ALG12: variants seen among roughly 807,000 people sequenced by gnomAD.
ALG12 encodes ALG12 alpha-1,6-mannosyltransferase.
In ALG12, 36 loss-of-function variants were observed where a neutral mutation model predicts 46.0. That is an observed-to-expected ratio of 0.78 (90% CI 0.60 to 1.03). The LOEUF (loss-of-function observed/expected upper bound fraction) is 1.03, where lower values mean the gene tolerates loss of function less well. Ranked by LOEUF, ALG12 falls within the 50% of genes least tolerant of loss-of-function variation. The pLI is 0.00. For synonymous variants in ALG12, 326 were observed against 291.6 expected (o/e 1.12, Z -1.20); for missense variants, 599 against 633.5 (o/e 0.95, Z 0.58).
At chr22:49,885,855 G>C in the ALG12 span, 5 of 1,443,064 alleles carry the variant, frequency 3.5e-6, no homozygotes, top group Non-Finnish European at 4.9e-6. Flanking sequence ...TCCACTTCAC[G>C]TCTGGAATAT....
chr22:49,902,222 GTA>G lies in ALG12; in HGVS notation c.*1614_*1615del, dbSNP rs949193382. 7.0e-5 allele frequency: 10 copies of G among 143,288 alleles called. No individual in the cohort carries two copies. The highest frequency in any genetic ancestry group is 1.5e-4 in the Non-Finnish European group (10 of 66,960). The allele number at this position is 143,288 out of a possible 1,614,324, so 8.9% of individuals were successfully genotyped here. A position where few individuals can be genotyped will look rare whatever the true frequency, so the allele number is the denominator to read the frequency against. On this transcript the variant is annotated 3_prime_UTR_variant, in exon 10 of 10. Transcript: ENST00000330817. The stretch of plus-strand genomic sequence containing the variant: ...TGTGCACATGTGCACTGTGTGGTGT[GTA>G]TGCATGGTGTGTGCACGTGTGCACT...
the ALG12 span, chr22:49,885,697 G>A: frequency 2.4e-5 from 39 of 1,610,196 alleles, no homozygotes; most frequent in Non-Finnish European, 3.1e-5. Context: ...TGTAGACAAC[G>A]TTGGCTTTAA....
the ALG12 span, among the ~76,000 whole-genome samples, chr22:49,868,957 CAAA>C: frequency 1.1e-4 from 15 of 131,678 alleles, no homozygotes; most frequent in East Asian, 2.2e-4. Flanking sequence ...ACTAAAAATA[CAAA>C]AAAAAAAAAA....
intron 1 of ALG12, among the ~76,000 whole-genome samples, chr22:49,917,396 C>T (rs1337292814): frequency 6.6e-6 from 1 of 152,206 alleles, no homozygotes; most frequent in African/African-American, 2.4e-5. Flanking sequence ...TCAGGCTAAG[C>T]ATGGTGGCTC....
intron 5 of ALG12, among the ~76,000 whole-genome samples, chr22:49,909,584 G>A (rs1213556827): frequency 6.6e-6 from 1 of 152,078 alleles, no homozygotes; most frequent in African/African-American, 2.4e-5. Flanking sequence ...AAAGAAAAAA[G>A]ACACCAACTG....
At chr22:49,880,918 T>C in the ALG12 span, among the ~76,000 whole-genome samples, 2 of 152,226 alleles carry the variant, frequency 1.3e-5, no homozygotes, top group African/African-American at 2.4e-5. Context: ...TTTTGCAGCT[T>C]TCAGTATACA....
chr22:49,909,758 T>C lies in ALG12; in HGVS notation c.664+136A>G, dbSNP rs2060564732. On this transcript the variant is annotated intron_variant, in intron 5 of 9. Coordinates refer to ENST00000330817, the MANE Select transcript of ALG12 (RefSeq NM_024105.4). ...AGATCCCCGGGCAGGGGGCTTAGGA[T>C]TGAAATGTTTTCAACACTGCTAAAT... is the stretch of plus-strand genomic sequence containing the variant. 4.0e-6 allele frequency: 5 copies of C among 1,263,406 alleles called. No homozygotes were observed. The South Asian group carries it at 5.3e-5, about 13-fold the overall frequency. The allele number at this position is 1,263,406 out of a possible 1,614,324, so 78.3% of individuals were successfully genotyped here.
At position 49,910,588 on chromosome 22, in the gene ALG12, G is replaced by T; in HGVS notation, c.315C>A (p.Leu105=). The T allele has an allele frequency of 6.2e-7, 1 of 1,614,108 alleles. No homozygotes were observed. Residue 105 remains leucine, a synonymous_variant, in exon 4 of 10, where the codon CTC becomes CTA. Coordinates refer to ENST00000330817, the MANE Select transcript of ALG12 (RefSeq NM_024105.4). ...SQLIVRGVLG[L]GVIFGLWTLQ... is the part of the protein sequence containing the mutation. ...ACGTCCAGAGTCCAAAAATCACGCC[G>T]AGTCCAAGCACTCCTCTAACTAAAC...
rs1400445262 is a variant in ALG12, at chr22:49,910,084, C to G, written c.474G>C (p.Leu158=). 1 of 1,606,300 alleles carries G rather than the reference C, an allele frequency of 6.2e-7. No individual in the cohort carries two copies. Among genetic ancestry groups the G allele is most frequent in the East Asian group, 2.2e-5 (1 of 44,532 alleles). The change falls in exon 5 of 10, where the codon CTG becomes CTC. Residue 158 remains leucine (L), a synonymous_variant. Transcript: ENST00000330817. ...GCCGCAGCCAGGCCGCGAGGGCCAG[C>G]AGGACTGCAAGACAGTGCGGGAGGG... ...LPNVLALPVV[L]LALAAWLRHE...
the ALG12 span, among the ~76,000 whole-genome samples, chr22:49,870,706 G>A: frequency 6.6e-6 from 1 of 151,852 alleles, no homozygotes; most frequent in African/African-American, 2.4e-5. Flanking sequence ...ATAGATTCTG[G>A]ATTTCAGACC....
downstream of ALG12, among the ~76,000 whole-genome samples, chr22:49,896,997 A>G (rs1257264217): frequency 6.6e-6 from 1 of 151,810 alleles, no homozygotes; most frequent in African/African-American, 2.4e-5. Context: ...CAATTCCTCA[A>G]TGCTCCACCT....
chr22:49,910,455 T>C lies in ALG12; in HGVS notation c.448A>G (p.Asn150Asp). 6.2e-7 allele frequency: 1 copy of C among 1,613,598 alleles called. No homozygotes were observed. Among genetic ancestry groups the C allele is most frequent in the Non-Finnish European group, 8.5e-7 (1 of 1,179,988 alleles). Residue 150 changes from asparagine (N) to aspartate (D), a missense_variant, in exon 4 of 10, where the codon AAT becomes GAT. By Grantham distance (23) the Asn-to-Asp change is conservative. Coordinates refer to ENST00000330817, the MANE Select transcript of ALG12 (RefSeq NM_024105.4). Reference sequence around the variant, plus strand: ...GTACCTACAGGCAGGGCCAGCACATTGGGCAGTGTCCGCGTGCAGTAGAAC... The same window carrying C: ...GTACCTACAGGCAGGGCCAGCACATCGGGCAGTGTCCGCGTGCAGTAGAAC... ...LMFYCTRTLP[N>D]VLALPVVLLA...
Position 49,907,617 on chromosome 22 carries a change from C to G in ALG12, c.992+104G>C, listed in dbSNP as rs982221959. 7 of 1,303,460 alleles carry G rather than the reference C, an allele frequency of 5.4e-6. No homozygotes were observed. In the Admixed American group the frequency reaches 5.9e-5, roughly 11 times the overall value. The allele number at this position is 1,303,460 out of a possible 1,614,324, so 80.7% of individuals were successfully genotyped here. A position where few individuals can be genotyped will look rare whatever the true frequency, so the allele number is the denominator to read the frequency against. ...CTCCAGCTGGGCGACAGAGCAAGACCCTGTTTCAAAAATTAAACACACACA... is the reference window on the plus strand; with the variant it reads ...CTCCAGCTGGGCGACAGAGCAAGACGCTGTTTCAAAAATTAAACACACACA... On this transcript the variant is annotated intron_variant, in intron 7 of 9. Transcript: ENST00000330817.
In ALG12 at chr22:49,907,850, G is replaced by A. The variant is rs748227291; in HGVS notation, c.863C>T (p.Thr288Met). The change falls in exon 7 of 10, where the codon ACG (threonine) becomes ATG (methionine). Residue 288 changes from threonine to methionine, a missense_variant. By Grantham distance (81) the Thr-to-Met change is moderately conservative. Transcript: ENST00000330817. ...FIPLGLVDRR[T>M]HAPTVLALGF... ...CAGTGCCAGCACCGTCGGCGCGTGCGTCCTTCTGTCTACCAAGCCCAGGGG... is the reference window on the plus strand; with the variant it reads ...CAGTGCCAGCACCGTCGGCGCGTGCATCCTTCTGTCTACCAAGCCCAGGGG... The A allele has an allele frequency of 1.4e-5, 23 of 1,613,868 alleles. No individual in the cohort carries two copies. The highest frequency in any genetic ancestry group is 1.1e-4 in the East Asian group (5 of 44,884).
rs754376576 is a variant in ALG12, at chr22:49,904,180, T to A, written c.1237A>T (p.Arg413Trp). 6.2e-7 allele frequency: 1 copy of A among 1,614,134 alleles called. No individual in the cohort carries two copies. Among genetic ancestry groups the A allele is most frequent in the Non-Finnish European group, 8.5e-7 (1 of 1,180,018 alleles). The change falls in exon 9 of 10, where the codon AGG becomes TGG. Residue 413 changes from arginine to tryptophan, a missense_variant and splice_region_variant. Arg to Trp is a moderately radical substitution (Grantham distance 101). Transcript: ENST00000330817. ...GGCCGTGCTGTGTGTGGATCCTACC[T>A]CCAGGCGCTGTTGACTTGGAGAAAC... is the stretch of plus-strand genomic sequence containing the variant. ...SRFLQVNSAW[R>W]YDKREDVQPG...
At chr22:49,888,564 G>C in the ALG12 span, 3 of 167,230 alleles carry the variant, frequency 1.8e-5, no homozygotes, top group Non-Finnish European at 4.4e-5. Flanking sequence ...CCCCAGACAG[G>C]GCTCCAGGGA....
chr22:49,899,098 T>G (rs993351490), downstream of ALG12, among the ~76,000 whole-genome samples: 6 of 152,144 alleles, frequency 3.9e-5, no homozygotes, highest in Non-Finnish European at 8.8e-5. Context: ...GAGACTAGCC[T>G]AGGCAACACA....
the ALG12 span, among the ~76,000 whole-genome samples, chr22:49,862,162 A>C: frequency 6.6e-6 from 1 of 152,232 alleles, no homozygotes; most frequent in Non-Finnish European, 1.5e-5. Flanking sequence ...CATTGAATGC[A>C]AGTGGCTCAT....
chr22:49,917,979 G>GGAGCCCGGCCCC (rs1601831745), intron 1 of ALG12, among the ~76,000 whole-genome samples: 146 of 140,826 alleles, frequency 1.0e-3, no homozygotes, highest in South Asian at 2.6e-3. Flanking sequence ...CCCCAGGTGA[G>GGAGCCCGGCCCC]AGGTCCAGCC....
Sources: allele counts gnomAD v4.1 joint callset (sites outside exome capture counted in the v4.1 genomes callset), GRCh38; gene constraint gnomAD v4.1.1; transcripts MANE v1.5; gene names NCBI Gene and HGNC (gene_info 2026-07-23, HGNC 2026-07-21).